DGKD: variants seen among roughly 807,000 people sequenced by gnomAD.
DGKD encodes the protein DAG kinase delta.
Under a neutral mutation model 154.4 loss-of-function variants are expected in DGKD, and 68 were observed. That is an observed-to-expected ratio of 0.44 (90% CI 0.36 to 0.54). The LOEUF is 0.54. DGKD is among the 20% of genes least tolerant of loss of function. The probability of loss-of-function intolerance (pLI) is 0.00; values close to 1 mark genes in which losing one functional copy is unlikely to be tolerated. For missense variants in DGKD, 1,343 were observed against 1,593.6 expected (o/e 0.84, Z 2.68); for synonymous variants, 693 against 638.0 (o/e 1.09, Z -1.30).
chr2:233,402,196 C>T (rs959750812), intron 3 of DGKD, among the ~76,000 whole-genome samples: 6 of 152,204 alleles, frequency 3.9e-5, no homozygotes, highest in Non-Finnish European at 7.3e-5. Flanking sequence ...CAGGAAACTG[C>T]CATATGCTTC....
chr2:233,397,164 G>C (rs1248685696), intron 3 of DGKD, among the ~76,000 whole-genome samples: 3 of 110,450 alleles, frequency 2.7e-5, no homozygotes, highest in Non-Finnish European at 5.5e-5. Context: ...GCTGCGGGGG[G>C]GGCCAGAGTG....
chr2:233,402,081 C>T (rs747508048), intron 3 of DGKD, among the ~76,000 whole-genome samples: 16 of 152,136 alleles, frequency 1.1e-4, no homozygotes, highest in African/African-American at 3.1e-4. Flanking sequence ...CCTGTGTGTA[C>T]GGGTCACCTG....
At chr2:233,439,919 A>T (rs1429571524) in intron 9 of DGKD, among the ~76,000 whole-genome samples, 1 of 152,102 alleles carries the variant, frequency 6.6e-6, no homozygotes, top group Non-Finnish European at 1.5e-5. Context: ...GAAAGTGGAG[A>T]TATAATACGT....
intron 3 of DGKD, among the ~76,000 whole-genome samples, chr2:233,433,189 C>T (rs2062586346): frequency 6.6e-6 from 1 of 152,140 alleles, no homozygotes; most frequent in Non-Finnish European, 1.5e-5. Context: ...TGGAAGCAAC[C>T]TAAGTGTTCA....
At chr2:233,456,642 T>G (rs186929645) in intron 19 of DGKD, among the ~76,000 whole-genome samples, 1 of 152,232 alleles carries the variant, frequency 6.6e-6, no homozygotes, top group African/African-American at 2.4e-5. Context: ...GTTTTAACTT[T>G]ATGTATTTAC....
At chr2:233,463,750 C>A in intron 26 of DGKD, 1 of 234,554 alleles carries the variant, frequency 4.3e-6, no homozygotes, top group South Asian at 6.3e-5. Flanking sequence ...TTATCCCATG[C>A]CTCCCCTCGT....
intron 1 of DGKD, among the ~76,000 whole-genome samples, chr2:233,382,068 T>C (rs1702933343): frequency 6.6e-6 from 1 of 152,132 alleles, no homozygotes; most frequent in Non-Finnish European, 1.5e-5. Context: ...ACCCTGTCTC[T>C]ACTAAAAATA....
intron 3 of DGKD, among the ~76,000 whole-genome samples, chr2:233,426,000 G>A (rs2062284687): frequency 6.6e-6 from 1 of 152,104 alleles, no homozygotes; most frequent in Admixed American, 6.6e-5. Context: ...ATTAATTTTT[G>A]CCCCAGTGTA....
At chr2:233,390,732 G>C (rs541995530) in intron 3 of DGKD, among the ~76,000 whole-genome samples, 3 of 152,134 alleles carry the variant, frequency 2.0e-5, no homozygotes, top group Non-Finnish European at 4.4e-5. Flanking sequence ...TTTGGTTCAC[G>C]TCTGTTTTGT....
At chr2:233,456,305 G>A (rs552028613) in intron 19 of DGKD, among the ~76,000 whole-genome samples, 1 of 152,242 alleles carries the variant, frequency 6.6e-6, no homozygotes, top group South Asian at 2.1e-4. Flanking sequence ...GGCTGAGGAT[G>A]GCCACATCTG....
At chr2:233,382,583 G>T (rs1449637211) in intron 1 of DGKD, among the ~76,000 whole-genome samples, 1 of 152,010 alleles carries the variant, frequency 6.6e-6, no homozygotes, top group East Asian at 1.9e-4. Context: ...GTGGCTTGCT[G>T]CCCTCAGCCT....
chr2:233,436,020 T>G (rs1386083685), intron 6 of DGKD, 96 bp downstream of exon 6: 12 of 1,289,258 alleles, frequency 9.3e-6, no homozygotes, highest in African/African-American at 1.5e-5. Flanking sequence ...TGCCACTGTT[T>G]CATTTGAGAT....
intron 3 of DGKD, among the ~76,000 whole-genome samples, chr2:233,408,516 CT>C (rs1294143197): frequency 1.3e-5 from 2 of 152,202 alleles, no homozygotes; most frequent in East Asian, 1.9e-4. Flanking sequence ...CTCCTGCCCC[CT>C]GGGCTCACTT....
At chr2:233,432,678 A>G (rs576483127) in intron 3 of DGKD, among the ~76,000 whole-genome samples, 3 of 152,124 alleles carry the variant, frequency 2.0e-5, no homozygotes, top group African/African-American at 7.2e-5. Flanking sequence ...AAACAAAACA[A>G]AACAAAAATT....
intron 1 of DGKD, 131 bp from the exon 2 acceptor site, chr2:233,388,126 G>A: frequency 2.0e-6 from 3 of 1,533,228 alleles, no homozygotes; most frequent in Non-Finnish European, 2.6e-6. Flanking sequence ...GTCAAGGTCT[G>A]TTGAGAGTGT....
intron 1 of DGKD, among the ~76,000 whole-genome samples, chr2:233,368,625 A>T (rs966140297): frequency 1.3e-5 from 2 of 152,206 alleles, no homozygotes; most frequent in African/African-American, 2.4e-5. Flanking sequence ...TGTTCGAGGT[A>T]AGGATTTGGT....
At chr2:233,370,144 C>T (rs1039426140) in intron 1 of DGKD, among the ~76,000 whole-genome samples, 3 of 152,142 alleles carry the variant, frequency 2.0e-5, no homozygotes, top group South Asian at 2.1e-4. Flanking sequence ...ATTTCCCCCT[C>T]CTCCCAGCTG....
At chr2:233,398,326 T>C (rs1332533254) in intron 3 of DGKD, among the ~76,000 whole-genome samples, 1 of 151,736 alleles carries the variant, frequency 6.6e-6, no homozygotes, top group Non-Finnish European at 1.5e-5. Flanking sequence ...TTTGTATTTT[T>C]AGTAGAGACG....
rs926335379 is a variant in DGKD, at chr2:233,445,043, G to A, written c.1195-580G>A. Among the ~76,000 whole-genome samples, 2 of 152,114 alleles carry A rather than the reference G, an allele frequency of 1.3e-5. No individual in the cohort carries two copies. Among genetic ancestry groups the A allele is most frequent in the African/African-American group, 4.8e-5 (2 of 41,410 alleles). ...AGGGTGAGGCCTGAGTAATGCATGA[G>A]GTCTCTTCCTGGAACAGCAGGCAGG... On this transcript the variant is annotated intron_variant, in intron 10 of 29. Coordinates refer to ENST00000264057, the MANE Select transcript of DGKD (RefSeq NM_152879.3). This position sits in a 1 kb window ranked among gnomAD's most constrained non-coding sequence, Gnocchi z 5.5.
Sources: gnomAD v4.1 joint callset for allele counts (sites outside exome capture counted in the v4.1 genomes callset) on GRCh38, gnomAD v4.1.1 for gene constraint, Gnocchi (gnomAD v3.1) non-coding constraint, MANE v1.5 for transcripts, NCBI Gene and HGNC (gene_info 2026-07-23, HGNC 2026-07-21) for gene names.